Variants in ITSN1 observed in about 807,000 individuals in gnomAD.
The protein encoded by ITSN1 is intersectin 1.
In ITSN1, 58 loss-of-function variants were observed where a neutral mutation model predicts 239.8. The observed-to-expected ratio is 0.24, with a 90% confidence interval of 0.20 to 0.30. ITSN1 has a LOEUF of 0.30. Ranked by LOEUF, ITSN1 falls within the 10% of genes least tolerant of loss-of-function variation. The pLI, the probability that ITSN1 is intolerant of heterozygous loss-of-function variation, is 1.00. For synonymous variants in ITSN1, 780 were observed against 770.8 expected, an observed-to-expected ratio of 1.01 and a Z score of -0.20; for missense variants, 1,558 against 2,103.3, an observed-to-expected ratio of 0.74 and a Z score of 5.07.
chr21:33,858,904 CTTT>C, intron 31 of ITSN1, 112 bp downstream of exon 31: 1 of 454,462 alleles, frequency 2.2e-6, no homozygotes, highest in Non-Finnish European at 4.0e-6. Flanking sequence ...TTCTTTCTGG[CTTT>C]TTTTTTTTCT....
chr21:33,829,751 T>G lies in ITSN1; in HGVS notation c.3351+6T>G. 1 of 1,613,114 alleles carries G rather than the reference T, an allele frequency of 6.2e-7. No homozygotes were observed. Among genetic ancestry groups the G allele is most frequent in the South Asian group, 1.1e-5 (1 of 90,918 alleles). On this transcript the variant is annotated splice_donor_region_variant and intron_variant, in intron 27 of 39. Coordinates refer to ENST00000381318, the MANE Select transcript of ITSN1 (RefSeq NM_003024.3). ...GGTGGGAAGGAGAGCTGCAAGTCAGTGTCTTTTTTGTTTATTTACAATTCT... is the reference window on the plus strand; with the variant it reads ...GGTGGGAAGGAGAGCTGCAAGTCAGGGTCTTTTTTGTTTATTTACAATTCT...
At chr21:33,765,559 T>A (rs1429557377) in intron 9 of ITSN1, among the ~76,000 whole-genome samples, 1 of 152,130 alleles carries the variant, frequency 6.6e-6, no homozygotes, top group African/African-American at 2.4e-5. Flanking sequence ...TCATTGCACA[T>A]CAGCCTGGGT....
At chr21:33,770,433 A>G (rs2069068813) in intron 11 of ITSN1, among the ~76,000 whole-genome samples, 1 of 152,150 alleles carries the variant, frequency 6.6e-6, no homozygotes. Context: ...GGGCTTAAAC[A>G]TATGGATTTT....
intron 1 of ITSN1, among the ~76,000 whole-genome samples, chr21:33,678,518 T>C (rs1421884539): frequency 1.3e-5 from 2 of 152,182 alleles, no homozygotes; most frequent in African/African-American, 4.8e-5. Context: ...GTGACCATTT[T>C]TGGAACTGTT....
At chr21:33,745,842 G>T (rs554421188) in intron 5 of ITSN1, among the ~76,000 whole-genome samples, 1 of 152,312 alleles carries the variant, frequency 6.6e-6, no homozygotes, top group East Asian at 1.9e-4. Flanking sequence ...AGACCAGGGT[G>T]GGCCCGAGTC....
chr21:33,856,768 A>G lies in ITSN1; in HGVS notation c.3694A>G (p.Thr1232Ala). Residue 1232 changes from threonine (T) to alanine (A), a missense_variant, in exon 30 of 40, where the codon ACC becomes GCC. Physicochemically the swap from Thr to Ala is moderately conservative, Grantham distance 58. This residue lies in a region of ITSN1 where 576 missense variants were observed against 893.3 expected (regional missense o/e 0.64). Coordinates refer to ENST00000381318, the MANE Select transcript of ITSN1 (RefSeq NM_003024.3). ...AGACTTACATCTCTTGGATATGTTG[A>G]CCCCAACTGAAAGAAAGCGACAAGG... is the stretch of plus-strand genomic sequence containing the variant. ...CSDLHLLDML[T>A]PTERKRQGYI... is the part of the protein sequence containing the mutation. The G allele has an allele frequency of 6.2e-7, 1 of 1,614,032 alleles. No individual in the cohort carries two copies. The highest frequency in any genetic ancestry group is 1.1e-5 in the South Asian group (1 of 91,078).
rs368797638 is a variant in ITSN1 at position 33,767,735 on chromosome 21, A to G, written c.949A>G (p.Ile317Val). The G allele has an allele frequency of 8.9e-5, 143 of 1,610,278 alleles. 2 individuals carry two copies. Among genetic ancestry groups the G allele is most frequent in the South Asian group, 8.7e-4 (79 of 90,414 alleles). The change falls in exon 11 of 40, where the codon ATA becomes GTA. Residue 317 changes from isoleucine (I) to valine (V), a missense_variant. Transcript: ENST00000381318. ...SFRRVRSGSG[I>V]SVISSTSVDQ... ...CAGAAGAGTTCGATCTGGCAGTGGT[A>G]TATCTGTCATAAGCTCAACATCTGT... is the stretch of plus-strand genomic sequence containing the variant.
At chr21:33,818,665 A>G (rs895091564) in intron 23 of ITSN1, among the ~76,000 whole-genome samples, 193 bp downstream of exon 23, 2 of 152,244 alleles carry the variant, frequency 1.3e-5, no homozygotes, top group Non-Finnish European at 2.9e-5. Flanking sequence ...TTCTTCTCTC[A>G]TGAAAACCTA....
chr21:33,766,841 T>C (rs2068753174), intron 10 of ITSN1, among the ~76,000 whole-genome samples: 1 of 152,174 alleles, frequency 6.6e-6, no homozygotes, highest in South Asian at 2.1e-4. Flanking sequence ...TAAAAAGGAT[T>C]GGGAGACGGT....
At chr21:33,856,618 T>C in intron 29 of ITSN1, 118 bp from the exon 30 acceptor site, 1 of 1,435,328 alleles carries the variant, frequency 7.0e-7, no homozygotes, top group Non-Finnish European at 9.6e-7. Flanking sequence ...TTTCAGCCCA[T>C]GACCCCACTG....
At chr21:33,793,456 C>T (rs1053839572) in intron 16 of ITSN1, among the ~76,000 whole-genome samples, 15 of 152,188 alleles carry the variant, frequency 9.9e-5, no homozygotes, top group South Asian at 2.1e-4. Flanking sequence ...CCACATAAGA[C>T]GAGTTTCAGT....
intron 15 of ITSN1, 86 bp downstream of exon 15, chr21:33,781,634 G>A: frequency 2.6e-6 from 2 of 766,950 alleles, no homozygotes; most frequent in South Asian, 2.0e-5. Flanking sequence ...AGGCTGGAGT[G>A]CAGTGGCGCA....
Position 33,721,238 on chromosome 21 carries a change from A to G in ITSN1, c.89A>G (p.His30Arg), listed in dbSNP as rs1369976412. 9.3e-6 allele frequency: 15 copies of G among 1,612,832 alleles called. No homozygotes were observed. Among genetic ancestry groups the G allele is most frequent in the South Asian group, 5.5e-5 (5 of 91,070 alleles). Residue 30 changes from histidine (H) to arginine (R), a missense_variant, in exon 3 of 40, where the codon CAT becomes CGT. His to Arg is a conservative substitution (Grantham distance 29). Coordinates refer to ENST00000381318, the MANE Select transcript of ITSN1 (RefSeq NM_003024.3). ...EERAKHDQQF[H>R]SLKPISGFIT... The stretch of plus-strand genomic sequence containing the variant: ...AGAGCGAAGCATGATCAGCAGTTCC[A>G]TAGTTTAAAGCCAATATCTGGATTC...
chr21:33,663,558 C>G (rs1350583223), intron 1 of ITSN1, among the ~76,000 whole-genome samples: 2 of 152,140 alleles, frequency 1.3e-5, no homozygotes, highest in African/African-American at 4.8e-5. Flanking sequence ...ATTCACCCAT[C>G]TGATTTTGGG....
chr21:33,697,878 G>T (rs2091865323), intron 1 of ITSN1, among the ~76,000 whole-genome samples: 1 of 152,108 alleles, frequency 6.6e-6, no homozygotes, highest in Non-Finnish European at 1.5e-5. Flanking sequence ...TCTACAATCT[G>T]ATTTTTCCAA....
intron 27 of ITSN1, 132 bp from the exon 28 acceptor site, chr21:33,834,175 C>T: frequency 1.5e-6 from 1 of 647,596 alleles, no homozygotes; most frequent in Non-Finnish European, 2.7e-6. Flanking sequence ...CATAGTAATC[C>T]ATAGATTTTA....
intron 33 of ITSN1, 98 bp from the exon 34 acceptor site, chr21:33,875,256 G>C: frequency 7.4e-7 from 1 of 1,346,230 alleles, no homozygotes; most frequent in East Asian, 2.4e-5. Context: ...ATGAAAGGAT[G>C]GTGCCCTGCC....
At chr21:33,796,126 G>T (rs1044602114) in intron 17 of ITSN1, among the ~76,000 whole-genome samples, 1 of 151,954 alleles carries the variant, frequency 6.6e-6, no homozygotes, top group Admixed American at 6.6e-5. Context: ...ACCACGCCCA[G>T]CTAATTTTTA....
intron 9 of ITSN1, among the ~76,000 whole-genome samples, chr21:33,765,269 T>C (rs1346316443): frequency 6.6e-6 from 1 of 152,232 alleles, no homozygotes; most frequent in African/African-American, 2.4e-5. Flanking sequence ...TCCCAGCGAT[T>C]TGATAGGCTC....
Sources: gnomAD v4.1 joint callset for allele counts (sites outside exome capture counted in the v4.1 genomes callset) on GRCh38, gnomAD v4.1.1 for gene constraint, gnomAD v4.1.1 regional missense constraint, MANE v1.5 for transcripts, NCBI Gene and HGNC (gene_info 2026-07-23, HGNC 2026-07-21) for gene names.